Variants in CLN8 observed in about 807,000 individuals in gnomAD.
The protein encoded by CLN8 is protein CLN8.
Under a neutral mutation model 15.7 loss-of-function variants are expected in CLN8, and 14 were observed. The observed-to-expected ratio is 0.89, with a 90% CI of 0.59 to 1.39. The LOEUF (loss-of-function observed/expected upper bound fraction) is 1.39. Among genes scored for constraint, CLN8 ranks in the 40% most tolerant of loss-of-function variants. The pLI is 0.00. For synonymous variants in CLN8, 188 were observed against 151.0 expected (o/e 1.25, Z -1.80); for missense variants, 415 against 364.0 (o/e 1.14, Z -1.14).
chr8:1,765,761 T>A (rs1801026364), intron 1 of CLN8, among the ~76,000 whole-genome samples: 1 of 152,214 alleles, frequency 6.6e-6, no homozygotes, highest in Non-Finnish European at 1.5e-5. Context: ...TTTGGGATTG[T>A]CTTTTCTTCT....
At chr8:1,777,418 CA>C (rs899203599) in intron 2 of CLN8, among the ~76,000 whole-genome samples, 24 of 152,220 alleles carry the variant, frequency 1.6e-4, no homozygotes, top group African/African-American at 5.5e-4. Context: ...TGTACTTAAG[CA>C]ATGCTAAATT....
intron 2 of CLN8, among the ~76,000 whole-genome samples, chr8:1,777,137 C>G (rs1801552504): frequency 2.0e-5 from 3 of 152,152 alleles, no homozygotes; most frequent in Non-Finnish European, 2.9e-5. Context: ...GCCCATTGTT[C>G]CCAGGCTGCA....
At chr8:1,766,835 G>T (rs929547958) in intron 1 of CLN8, among the ~76,000 whole-genome samples, 3 of 152,246 alleles carry the variant, frequency 2.0e-5, no homozygotes, top group Non-Finnish European at 4.4e-5. Flanking sequence ...CGTATCAAGA[G>T]TGAGAGGGTG....
upstream of CLN8, chr8:1,762,010 T>G (rs1284267230): frequency 6.6e-6 from 1 of 152,184 alleles, no homozygotes; most frequent in Non-Finnish European, 1.5e-5. Flanking sequence ...AAAGGATTTG[T>G]TTCGGGAAAC....
intron 1 of CLN8, among the ~76,000 whole-genome samples, chr8:1,769,566 G>T (rs1033812327): frequency 6.6e-6 from 1 of 152,168 alleles, no homozygotes; most frequent in Admixed American, 6.5e-5. Flanking sequence ...CTGCACACTG[G>T]GTGAGGGGGG....
chr8:1,771,929 A>ATATTTATT (rs142696456), intron 2 of CLN8, among the ~76,000 whole-genome samples: 109,333 of 147,980 alleles, frequency 0.74, 40,630 homozygotes, highest in Non-Finnish European at 0.78. Flanking sequence ...TTTTAATACT[A>ATATTTATT]TATTTATTTA....
At chr8:1,759,993 G>C (rs541741078), upstream of CLN8, 1 of 152,082 alleles carries the variant, frequency 6.6e-6, no homozygotes, top group Non-Finnish European at 1.5e-5. Context: ...TTTTGTAATG[G>C]AACAACCAAA....
rs1374869535 is a variant in CLN8 at position 1,771,726 on chromosome 8, T to G, written c.543+129T>G. ...GCACACACATTCAGTTACAAACTCA[T>G]TTTAGTTGAATGCAATATTCTGGTT... On this transcript the variant is annotated intron_variant, in intron 2 of 2. Transcript: ENST00000331222. 1.7e-5 allele frequency: 14 copies of G among 826,346 alleles called. No homozygotes were observed. The East Asian group carries it at 3.7e-4, about 22-fold the overall frequency. 51.2% of individuals were successfully genotyped at this position (826,346 alleles called of 1,614,324 possible). A position where few individuals can be genotyped will look rare whatever the true frequency, so the allele number is the denominator to read the frequency against.
At chr8:1,767,649 GCCACCT>G (rs1332826735) in intron 1 of CLN8, among the ~76,000 whole-genome samples, 1 of 125,954 alleles carries the variant, frequency 7.9e-6, no homozygotes, top group African/African-American at 3.1e-5. Flanking sequence ...TCAGCTCACT[GCCACCT>G]CCACCTCCCG....
At chr8:1,760,588 A>G (rs1405275628), upstream of CLN8, 1 of 152,220 alleles carries the variant, frequency 6.6e-6, no homozygotes, top group South Asian at 2.1e-4. Context: ...TTCAAGCTGA[A>G]GAGCTTACTA....
chr8:1,768,845 G>A (rs1037287872), intron 1 of CLN8, among the ~76,000 whole-genome samples: 24 of 152,208 alleles, frequency 1.6e-4, no homozygotes, highest in African/African-American at 5.5e-4. Flanking sequence ...TGTTCAACCT[G>A]ATTTGTCAAC....
In CLN8 at chr8:1,757,802, G is replaced by A. The variant is rs539834119; in HGVS notation, c.-124+1720G>A. Among the ~76,000 whole-genome samples the A allele has an allele frequency of 1.3e-4, 20 of 152,186 alleles. No homozygotes were observed. The South Asian group carries it at 4.2e-3, about 32-fold the overall frequency. ...TTATGCCAATGGCTTCGTCCAATGG[G>A]GATTTAAGGCTTCTTTGGGTACTGA... On this transcript the variant is annotated intron_variant, in intron 1 of 1. Coordinates refer to the CLN8 transcript ENST00000524258.
upstream of CLN8, among the ~76,000 whole-genome samples, chr8:1,753,974 G>T (rs1800610631): frequency 6.6e-6 from 1 of 152,114 alleles, no homozygotes; most frequent in African/African-American, 2.4e-5. Flanking sequence ...CAGGTTGGTG[G>T]GACCAAAGGA....
At position 1,780,252 on chromosome 8, in the gene CLN8, G is replaced by T. The variant is rs144047076; in HGVS notation, c.546G>T (p.Ala182=). The T allele has an allele frequency of 1.3e-5, 21 of 1,614,118 alleles. No individual in the cohort carries two copies. Among genetic ancestry groups the T allele is most frequent in the Admixed American group, 6.7e-5 (4 of 60,008 alleles). The change falls in exon 3 of 3, where the codon GCG becomes GCT. Residue 182 remains alanine (A), a splice_region_variant and synonymous_variant. Coordinates refer to ENST00000331222, the MANE Select transcript of CLN8 (RefSeq NM_018941.4). ...FTCVSWMLLK[A]GWSESLFWKL... is the part of the protein sequence containing the mutation. ...GCATTTGTCTTCTCTCCATGCAGGC[G>T]GGCTGGTCCGAGTCTCTGTTTTGGA...
chr8:1,780,310 C>A lies in CLN8; in HGVS notation c.604C>A (p.His202Asn). ...LNQWLMIHMF[H>N]CRMVLTYHMW... ...CCAGTGGCTGATGATTCACATGTTT[C>A]ACTGCCGCATGGTTCTAACCTACCA... The change falls in exon 3 of 3, where the codon CAC becomes AAC. Residue 202 changes from histidine (H) to asparagine (N), a missense_variant. Physicochemically the swap from His to Asn is moderately conservative, Grantham distance 68. Coordinates refer to ENST00000331222, the MANE Select transcript of CLN8 (RefSeq NM_018941.4). 6.2e-7 allele frequency: 1 copy of A among 1,614,252 alleles called. No homozygotes were observed. The highest frequency in any genetic ancestry group is 1.1e-5 in the South Asian group (1 of 91,092).
chr8:1,777,884 A>G (rs1434218083), intron 2 of CLN8, among the ~76,000 whole-genome samples: 1 of 152,278 alleles, frequency 6.6e-6, no homozygotes, highest in Non-Finnish European at 1.5e-5. Context: ...GATAAAAAGT[A>G]TAGTATAGTA....
upstream of CLN8, among the ~76,000 whole-genome samples, chr8:1,761,528 T>G (rs1262928519): frequency 6.6e-6 from 1 of 152,256 alleles, no homozygotes; most frequent in Non-Finnish European, 1.5e-5. Context: ...TTTTGCCATG[T>G]TGGCCAGGCT....
chr8:1,776,352 T>C (rs939651029), intron 2 of CLN8, among the ~76,000 whole-genome samples: 1 of 152,190 alleles, frequency 6.6e-6, no homozygotes, highest in Non-Finnish European at 1.5e-5. Flanking sequence ...TGGGTATGCA[T>C]GTGGCCCCGC....
rs1801718415 is a variant in CLN8, at chr8:1,781,795, T to C, written c.*1228T>C. On this transcript the variant is annotated 3_prime_UTR_variant, in exon 3 of 3. Transcript: ENST00000331222. Reference sequence around the variant, plus strand: ...AGGGTGGACCTGGACCCCTCAGAGATGCTCGACTGCAGGGTCCTGGGGTCC... The same window carrying C: ...AGGGTGGACCTGGACCCCTCAGAGACGCTCGACTGCAGGGTCCTGGGGTCC... 1 of 152,286 alleles carries C rather than the reference T, an allele frequency of 6.6e-6. No homozygotes were observed. The highest frequency in any genetic ancestry group is 2.1e-4 in the South Asian group (1 of 4,828). The allele number at this position is 152,286 out of a possible 1,614,324, so 9.4% of individuals were successfully genotyped here.
Sources: allele counts gnomAD v4.1 joint callset (sites outside exome capture counted in the v4.1 genomes callset), GRCh38; gene constraint gnomAD v4.1.1; transcripts MANE v1.5; gene names NCBI Gene and HGNC (gene_info 2026-07-23, HGNC 2026-07-21).